The following OSBPL3 variants were observed in gnomAD, a reference collection of about 807,000 sequenced individuals.
OSBPL3 encodes the protein oxysterol-binding protein-related protein 3.
Under a neutral mutation model 120.1 loss-of-function variants are expected in OSBPL3, and 65 were observed. The ratio of observed to expected loss-of-function variants is 0.54; its 90% confidence interval spans 0.44 to 0.67. The LOEUF is 0.67. Among genes scored for constraint, OSBPL3 ranks in the 30% least tolerant of loss-of-function variants. The pLI is 0.00. For synonymous variants in OSBPL3, 416 were observed against 402.6 expected (o/e 1.03, Z -0.40); for missense variants, 1,004 against 1,082.1 (o/e 0.93, Z 1.01).
intron 10 of OSBPL3, among the ~76,000 whole-genome samples, chr7:24,853,757 G>A (rs954336065): frequency 4.6e-5 from 7 of 152,264 alleles, no homozygotes; most frequent in African/African-American, 1.2e-4. Context: ...AAGTGAAAGC[G>A]TGTGTGTGTA....
Position 24,803,736 on chromosome 7 carries a change from A to C in OSBPL3, c.2567+579T>G, listed in dbSNP as rs1275861481. 6.6e-6 allele frequency among the ~76,000 whole-genome samples: 1 copy of C among 151,944 alleles called. No individual in the cohort carries two copies. On this transcript the variant is annotated intron_variant, in intron 22 of 22. Transcript: ENST00000313367. The surrounding 1 kb of genome is among the most constrained non-coding windows in gnomAD (Gnocchi z 4.2). ...CAGTGAGTCAAGATGGTGCCACTGCACTCCAGCCTGGGTGACAGAGCGAGA... is the reference window on the plus strand; with the variant it reads ...CAGTGAGTCAAGATGGTGCCACTGCCCTCCAGCCTGGGTGACAGAGCGAGA...
At chr7:24,906,076 G>A (rs17150503) in intron 1 of OSBPL3, 2,284 of 153,492 alleles carry the variant, frequency 0.015, 48 homozygotes, top group African/African-American at 0.051. Flanking sequence ...TGGTGAAGCA[G>A]AACAAGTAAT....
At chr7:24,957,065 T>C (rs1815151975) in intron 1 of OSBPL3, among the ~76,000 whole-genome samples, 2 of 151,988 alleles carry the variant, frequency 1.3e-5, no homozygotes, top group Non-Finnish European at 2.9e-5. Flanking sequence ...ACTAAGTAGG[T>C]AGAACTGCTG....
intron 1 of OSBPL3, among the ~76,000 whole-genome samples, chr7:24,901,035 AAG>A (rs1243632331): frequency 2.1e-3 from 307 of 149,426 alleles, no homozygotes; most frequent in African/African-American, 7.3e-3. Flanking sequence ...AAAAAAAAAA[AAG>A]AGAGAGAGAT....
chr7:24,920,110 G>A (rs1029884410), intron 1 of OSBPL3, among the ~76,000 whole-genome samples: 16 of 152,056 alleles, frequency 1.1e-4, no homozygotes, highest in African/African-American at 3.9e-4. Context: ...TAAACATGGA[G>A]TTACCATGTG....
intron 1 of OSBPL3, among the ~76,000 whole-genome samples, chr7:24,948,063 A>T (rs1440726759): frequency 6.6e-6 from 1 of 152,224 alleles, no homozygotes; most frequent in East Asian, 1.9e-4. Flanking sequence ...ACAGACCTAT[A>T]TAGAAATCCC....
Position 24,806,835 on chromosome 7 carries a change from C to T in OSBPL3, c.2385G>A (p.Met795Ile). 6.2e-7 allele frequency: 1 copy of T among 1,613,634 alleles called. No homozygotes were observed. The highest frequency in any genetic ancestry group is 8.5e-7 in the Non-Finnish European group (1 of 1,179,550). Reference sequence around the variant, plus strand: ...GCAATAAAGACTTTGATGATGGATCCATTTCATTTAATTCCAGCGCAAACT... The same window carrying T: ...GCAATAAAGACTTTGATGATGGATCTATTTCATTTAATTCCAGCGCAAACT... The part of the protein sequence containing the change: ...FTQFALELNE[M>I]DPSSKSLLPP... The change falls in exon 21 of 23, where the codon ATG becomes ATA. Residue 795 changes from methionine (M) to isoleucine (I), a missense_variant. By Grantham distance (10) the Met-to-Ile change is conservative (BLOSUM62 1). Around this residue, in one of 4 missense-constraint regions of OSBPL3, gnomAD observed 473 missense variants for 568.0 expected, o/e 0.83. Coordinates refer to ENST00000313367, the MANE Select transcript of OSBPL3 (RefSeq NM_015550.4). This position sits in a 1 kb window ranked among gnomAD's most constrained non-coding sequence, Gnocchi z 5.2.
Position 24,813,485 on chromosome 7 carries a change from T to A in OSBPL3, c.2172+1574A>T, listed in dbSNP as rs1055121275. ...TTTCACCTGGGTCACGGGTAACATA[T>A]CCCTGCTTCAGGTTGCCTTTTGTTT... On this transcript the variant is annotated intron_variant, in intron 19 of 22. Coordinates refer to ENST00000313367, the MANE Select transcript of OSBPL3 (RefSeq NM_015550.4). This position sits in a 1 kb window ranked among gnomAD's most constrained non-coding sequence, Gnocchi z 4.5. Among the ~76,000 whole-genome samples, 24 of 152,204 alleles carry A rather than the reference T, an allele frequency of 1.6e-4. No individual in the cohort carries two copies. The highest frequency in any genetic ancestry group is 6.5e-5 in the Admixed American group (1 of 15,280).
At chr7:24,882,792 T>C (rs1487129276) in intron 2 of OSBPL3, among the ~76,000 whole-genome samples, 2 of 152,218 alleles carry the variant, frequency 1.3e-5, no homozygotes, top group African/African-American at 2.4e-5. Context: ...TGATATCTCA[T>C]TGTGGTTTTG....
intron 1 of OSBPL3, among the ~76,000 whole-genome samples, chr7:24,956,524 T>C (rs182798805): frequency 1.6e-4 from 25 of 152,376 alleles, no homozygotes; most frequent in African/African-American, 6.0e-4. Flanking sequence ...AGAATTACCA[T>C]GTTCATAGCT....
At chr7:24,886,119 T>C (rs1804496241) in intron 2 of OSBPL3, among the ~76,000 whole-genome samples, 2 of 152,232 alleles carry the variant, frequency 1.3e-5, no homozygotes, top group Admixed American at 6.5e-5. Flanking sequence ...ATTAATTTAA[T>C]CTACACTTAC....
At chr7:24,902,701 A>T (rs904872046) in intron 1 of OSBPL3, among the ~76,000 whole-genome samples, 2 of 144,038 alleles carry the variant, frequency 1.4e-5, no homozygotes, top group Non-Finnish European at 1.5e-5. Context: ...AAGAGAAAAT[A>T]AATAATAATA....
In OSBPL3 at chr7:24,803,434, T is replaced by C. The variant is rs531820951; in HGVS notation, c.2567+881A>G. Among the ~76,000 whole-genome samples, 27 of 152,184 alleles carry C rather than the reference T, an allele frequency of 1.8e-4. No individual in the cohort carries two copies. Among genetic ancestry groups the C allele is most frequent in the Admixed American group, 9.8e-4 (15 of 15,266 alleles). ...TTGAGCTTTCTCTTCTACTCAGTTA[T>C]AGGAGGAGATGGGGAGGTGAAGGGT... is the stretch of plus-strand genomic sequence containing the variant. On this transcript the variant is annotated intron_variant, in intron 22 of 22. Transcript: ENST00000313367. This position sits in a 1 kb window ranked among gnomAD's most constrained non-coding sequence, Gnocchi z 4.2.
intron 15 of OSBPL3, among the ~76,000 whole-genome samples, chr7:24,832,707 A>G (rs1009331240): frequency 3.2e-4 from 49 of 152,140 alleles, no homozygotes; most frequent in Non-Finnish European, 8.8e-5. Flanking sequence ...CATGTAAAAT[A>G]GAACACAACC....
In OSBPL3 at chr7:24,815,064, T is replaced by C. The variant is rs1238498201; in HGVS notation, c.2167A>G (p.Ile723Val). 5 of 1,614,154 alleles carry C rather than the reference T, an allele frequency of 3.1e-6. No individual in the cohort carries two copies. The Admixed American group carries it at 5.0e-5, about 16-fold the overall frequency. ...CAGAGAGTCACTGGAGTTACCTTTA[T>C]AAAATTCACTTTGCAGTAGCAGGAA... ...DDSCYCKVNFIKAKYWSTNAH... is the reference protein window; with the variant it reads ...DDSCYCKVNFVKAKYWSTNAH... The change falls in exon 19 of 23, where the codon ATA (isoleucine) becomes GTA (valine). Residue 723 changes from isoleucine (I) to valine (V), a missense_variant. Physicochemically the swap from Ile to Val is conservative, Grantham distance 29. This residue lies in a region of OSBPL3 where 473 missense variants were observed against 568.0 expected (regional missense o/e 0.83). Transcript: ENST00000313367. This position sits in a 1 kb window ranked among gnomAD's most constrained non-coding sequence, Gnocchi z 5.1.
At chr7:24,848,523 G>T (rs896576321) in intron 12 of OSBPL3, among the ~76,000 whole-genome samples, 6 of 152,098 alleles carry the variant, frequency 3.9e-5, no homozygotes, top group African/African-American at 1.4e-4. Context: ...CTTGAAGAAA[G>T]ACTTTTTTTT....
At chr7:24,814,208 AG>A (rs1794187155) in intron 19 of OSBPL3, among the ~76,000 whole-genome samples, 1 of 152,114 alleles carries the variant, frequency 6.6e-6, no homozygotes, top group Admixed American at 6.6e-5. Context: ...AAGAGAAAGA[AG>A]GCCAGTGTGG....
intron 1 of OSBPL3, among the ~76,000 whole-genome samples, chr7:24,951,506 T>A (rs557232006): frequency 6.6e-6 from 1 of 152,308 alleles, no homozygotes; most frequent in South Asian, 2.1e-4. Context: ...AAAACACTTT[T>A]AGATCCAGGA....
At chr7:24,888,297 G>A (rs983465432) in intron 2 of OSBPL3, among the ~76,000 whole-genome samples, 1 of 152,146 alleles carries the variant, frequency 6.6e-6, no homozygotes, top group African/African-American at 2.4e-5. Flanking sequence ...CCTGGAATAA[G>A]TGCTTATTTT....
Sources: allele counts gnomAD v4.1 joint callset (sites outside exome capture counted in the v4.1 genomes callset), GRCh38; gene constraint gnomAD v4.1.1; regional missense constraint gnomAD v4.1.1; non-coding constraint Gnocchi (gnomAD v3.1); transcripts MANE v1.5; gene names NCBI Gene and HGNC (gene_info 2026-07-23, HGNC 2026-07-21).